GABRA3: variants seen among roughly 807,000 people sequenced by gnomAD.
GABRA3 encodes gamma-aminobutyric acid type A receptor subunit alpha3, also known as gamma-aminobutyric acid receptor subunit alpha-3.
GABRA3 carries 10 observed loss-of-function variants against 30.1 expected under a neutral mutation model. The observed-to-expected ratio is 0.33, with a 90% CI of 0.20 to 0.56. The LOEUF (loss-of-function observed/expected upper bound fraction) is 0.56, where lower values mean the gene tolerates loss of function less well. Ranked by LOEUF, GABRA3 falls within the 20% of genes least tolerant of loss-of-function variation. GABRA3 has a pLI of 0.89. For synonymous variants in GABRA3, 151 were observed against 146.8 expected (o/e 1.03, Z -0.21); for missense variants, 233 against 392.0 (o/e 0.59, Z 3.42).
At chrX:152,240,765 C>T (rs1352703741) in intron 5 of GABRA3, among the ~76,000 whole-genome samples, 1 of 100,532 alleles carries the variant, frequency 9.9e-6, no homozygotes, top group Non-Finnish European at 2.0e-5. Flanking sequence ...TTACTGATAC[C>T]CTTTCTTCCA....
chrX:152,261,511 CCAAA>C (rs1938728728), intron 4 of GABRA3, among the ~76,000 whole-genome samples: 1 of 111,943 alleles, frequency 8.9e-6, no homozygotes, highest in South Asian at 3.7e-4. Flanking sequence ...GAGAAACTGG[CCAAA>C]CAAAGGGGCT....
At chrX:152,448,001 T>C (rs1029059567) in intron 1 of GABRA3, among the ~76,000 whole-genome samples, 1 of 112,787 alleles carries the variant, frequency 8.9e-6, no homozygotes, top group South Asian at 3.6e-4. Flanking sequence ...TAGAATCTAA[T>C]AATACAAATG....
chrX:152,350,484 C>CA (rs1177063538), intron 2 of GABRA3, among the ~76,000 whole-genome samples: 3 of 109,862 alleles, frequency 2.7e-5, no homozygotes, highest in Non-Finnish European at 3.8e-5. Flanking sequence ...AATAGAGACA[C>CA]AAAAAACCCT....
At chrX:152,411,347 T>TA (rs758310856) in intron 1 of GABRA3, among the ~76,000 whole-genome samples, 90 of 108,047 alleles carry the variant, frequency 8.3e-4, no homozygotes, top group African/African-American at 2.4e-3. Context: ...AAATAAGTAA[T>TA]AAAAAAAGAA....
intron 3 of GABRA3, among the ~76,000 whole-genome samples, chrX:152,308,065 A>G (rs1939746425): frequency 8.9e-6 from 1 of 112,493 alleles, no homozygotes; most frequent in South Asian, 3.6e-4. Context: ...TGCCTATAGG[A>G]TAAGGCCAGT....
chrX:152,446,448 T>G (rs1931089196), intron 1 of GABRA3, among the ~76,000 whole-genome samples: 1 of 110,154 alleles, frequency 9.1e-6, no homozygotes, highest in Non-Finnish European at 1.9e-5. Flanking sequence ...GTGCCTCTCC[T>G]CTCTTGGCAC....
chrX:152,241,573 C>T (rs1229462027), intron 5 of GABRA3, among the ~76,000 whole-genome samples: 1 of 109,324 alleles, frequency 9.1e-6, no homozygotes, highest in African/African-American at 3.3e-5. Context: ...CCTAAGCAAG[C>T]CTGGGCAATG....
chrX:152,328,728 C>T (rs1435286844), intron 3 of GABRA3, among the ~76,000 whole-genome samples: 2 of 111,416 alleles, frequency 1.8e-5, no homozygotes, highest in African/African-American at 6.5e-5. Flanking sequence ...TTATGACAAA[C>T]CCACAGCCAA....
chrX:152,364,720 C>A lies in GABRA3; in HGVS notation c.-26-124G>T, dbSNP rs139286121. 2.0e-4 allele frequency: 94 copies of A among 460,499 alleles called. No individual in the cohort carries two copies. In the African/African-American group the frequency reaches 2.2e-3, roughly 11 times the overall value. 38.0% of individuals were successfully genotyped at this position (460,499 alleles called of 1,213,427 possible). A position where few individuals can be genotyped will look rare whatever the true frequency, so the allele number is the denominator to read the frequency against. The stretch of plus-strand genomic sequence containing the variant: ...AAACTCTATTAGAGCCATTTAACTT[C>A]TCTAGTGTCTAGTTACTCAGTGCTT... On this transcript the variant is annotated intron_variant, in intron 1 of 9. Transcript: ENST00000370314.
intron 7 of GABRA3, among the ~76,000 whole-genome samples, chrX:152,202,906 T>G (rs752995489): frequency 2.8e-4 from 31 of 112,577 alleles, no homozygotes; most frequent in Non-Finnish European, 4.1e-4. Flanking sequence ...CTCTTAAGAC[T>G]TCATCAAGTA....
chrX:152,432,938 C>CG (rs1930683058), intron 1 of GABRA3, among the ~76,000 whole-genome samples: 1 of 110,497 alleles, frequency 9.1e-6, no homozygotes, highest in African/African-American at 3.3e-5. Flanking sequence ...AATAACCTAT[C>CG]AGTGCAATTC....
chrX:152,344,849 A>G (rs1259007144), intron 3 of GABRA3, among the ~76,000 whole-genome samples: 1 of 112,112 alleles, frequency 8.9e-6, no homozygotes, highest in Non-Finnish European at 1.9e-5. Flanking sequence ...TGAATCCTAA[A>G]TCAATGAAAA....
intron 1 of GABRA3, among the ~76,000 whole-genome samples, chrX:152,407,354 A>G (rs1211528194): frequency 3.6e-5 from 4 of 112,066 alleles, no homozygotes; most frequent in Non-Finnish European, 7.5e-5. Context: ...CAAAAAAAGG[A>G]AAAATTTCAA....
At chrX:152,241,959 C>T (rs948190581) in intron 5 of GABRA3, among the ~76,000 whole-genome samples, 14 of 111,662 alleles carry the variant, frequency 1.3e-4, no homozygotes, top group Non-Finnish European at 1.7e-4. Flanking sequence ...AGAAATCACC[C>T]GTCTTCTGCG....
chrX:152,217,515 T>A (rs1374911088), intron 6 of GABRA3, among the ~76,000 whole-genome samples: 4 of 111,713 alleles, frequency 3.6e-5, no homozygotes, highest in African/African-American at 1.3e-4. Context: ...TTTGGAAGAA[T>A]TATTTGTGAA....
intron 1 of GABRA3, among the ~76,000 whole-genome samples, chrX:152,418,940 A>G (rs1260924952): frequency 8.9e-6 from 1 of 111,853 alleles, no homozygotes; most frequent in East Asian, 2.8e-4. Context: ...GCACATATAC[A>G]CCATGGAATA....
In GABRA3 at chrX:152,219,951, T is replaced by C. The variant is rs1342071108; in HGVS notation, c.634+4812A>G. On this transcript the variant is annotated intron_variant, in intron 6 of 9. Coordinates refer to ENST00000370314, the MANE Select transcript of GABRA3 (RefSeq NM_000808.4). ...TGATTCTGTGTAGTGCTGTTTACTT[T>C]ATTAAGAAATTCAAATGTTGTTATT... Among the ~76,000 whole-genome samples, 3 of 111,540 alleles carry C rather than the reference T, an allele frequency of 2.7e-5. No homozygotes were observed. The East Asian group carries it at 8.5e-4, about 32-fold the overall frequency.
rs374035553 is a variant in GABRA3 at position 152,249,314 on chromosome X, C to G, written c.551+6464G>C. Among the ~76,000 whole-genome samples, 65 of 111,360 alleles carry G rather than the reference C, an allele frequency of 5.8e-4. 2 individuals are homozygous for G. The South Asian group carries it at 0.023, about 39-fold the overall frequency. On this transcript the variant is annotated intron_variant, in intron 5 of 9. Coordinates refer to ENST00000370314, the MANE Select transcript of GABRA3 (RefSeq NM_000808.4). ...TTACCTCTTGAACATATTGTATGCC[C>G]ACAATTCTTCCTCAAAACCTAATTT...
At chrX:152,223,807 C>T (rs1438744299) in intron 6 of GABRA3, among the ~76,000 whole-genome samples, 1 of 110,703 alleles carries the variant, frequency 9.0e-6, no homozygotes, top group Non-Finnish European at 1.9e-5. Context: ...CCTAATTCTG[C>T]AGTACTTTTA....
Sources: gnomAD v4.1 joint callset for allele counts (sites outside exome capture counted in the v4.1 genomes callset) on GRCh38, gnomAD v4.1.1 for gene constraint, MANE v1.5 for transcripts, NCBI Gene and HGNC (gene_info 2026-07-23, HGNC 2026-07-21) for gene names.